Variants in SGCG observed in about 807,000 individuals in gnomAD.
SGCG encodes the protein sarcoglycan gamma.
In SGCG, 26 loss-of-function variants were observed where a neutral mutation model predicts 29.3. The observed-to-expected ratio is 0.89, with a 90% confidence interval of 0.65 to 1.23. SGCG has a LOEUF of 1.23. Among genes scored for constraint, SGCG ranks in the 50% most tolerant of loss-of-function variants. The probability of loss-of-function intolerance (pLI) is 0.00; values close to 1 mark genes in which losing one functional copy is unlikely to be tolerated. For missense variants in SGCG, 353 were observed against 356.0 expected (o/e 0.99, Z 0.07); for synonymous variants, 145 against 129.7 (o/e 1.12, Z -0.80).
At chr13:23,285,203 A>T (rs1473905539) in intron 5 of SGCG, among the ~76,000 whole-genome samples, 1 of 152,166 alleles carries the variant, frequency 6.6e-6, no homozygotes, top group African/African-American at 2.4e-5. Context: ...CTGAAGCTGC[A>T]CCCACAGCCG....
chr13:23,320,942 A>T (rs1271994020), intron 7 of SGCG, among the ~76,000 whole-genome samples, 182 bp downstream of exon 7: 1 of 152,212 alleles, frequency 6.6e-6, no homozygotes, highest in Non-Finnish European at 1.5e-5. Context: ...GGGCCAAGAA[A>T]GTCTAAAATT....
intron 2 of SGCG, among the ~76,000 whole-genome samples, chr13:23,204,128 C>T (rs188213644): frequency 6.6e-6 from 1 of 151,098 alleles, no homozygotes; most frequent in Admixed American, 6.6e-5. Flanking sequence ...CATTAGTCAT[C>T]TCGAAATAGT....
At chr13:23,223,580 G>T (rs915526592) in intron 2 of SGCG, among the ~76,000 whole-genome samples, 1 of 152,138 alleles carries the variant, frequency 6.6e-6, no homozygotes, top group Non-Finnish European at 1.5e-5. Context: ...TCACGTTTCA[G>T]ATAATAGGAA....
chr13:23,189,180 G>A (rs967757751), intron 1 of SGCG, among the ~76,000 whole-genome samples: 8 of 152,306 alleles, frequency 5.3e-5, no homozygotes, highest in Admixed American at 3.3e-4. Context: ...TTGTTGACCA[G>A]GGAAATGACC....
At chr13:23,219,031 A>G (rs1016056239) in intron 2 of SGCG, among the ~76,000 whole-genome samples, 1 of 149,326 alleles carries the variant, frequency 6.7e-6, no homozygotes, top group African/African-American at 2.4e-5. Context: ...TAATATTTAT[A>G]TGCTATATAT....
rs143794013 is a variant in SGCG at position 23,233,142 on chromosome 13, G to A, written c.196-1469G>A. On this transcript the variant is annotated intron_variant, in intron 2 of 7. Transcript: ENST00000218867. ...TGTTCATAGCAGCAGCATTTACAAT[G>A]CCCAAAATGTGGAAGCAACCCAAGT... Among the ~76,000 whole-genome samples, 342 of 152,270 alleles carry A rather than the reference G, an allele frequency of 2.2e-3. 2 individuals carry two copies. Among genetic ancestry groups the A allele is most frequent in the African/African-American group, 6.4e-3 (267 of 41,568 alleles).
intron 2 of SGCG, among the ~76,000 whole-genome samples, chr13:23,208,535 G>A (rs967939239): frequency 1.3e-5 from 2 of 152,140 alleles, no homozygotes; most frequent in African/African-American, 4.8e-5. Context: ...TCTGAATTCA[G>A]ATAAGGCTGA....
chr13:23,224,528 A>G (rs900300367), intron 2 of SGCG, among the ~76,000 whole-genome samples: 4 of 152,178 alleles, frequency 2.6e-5, no homozygotes, highest in African/African-American at 4.8e-5. Flanking sequence ...ACAGAGCACA[A>G]TATGTGAAAT....
chr13:23,204,100 T>A (rs1877886342), intron 2 of SGCG, among the ~76,000 whole-genome samples: 1 of 151,318 alleles, frequency 6.6e-6, no homozygotes, highest in African/African-American at 2.5e-5. Flanking sequence ...GGTTTTGTGT[T>A]TTTGCTGTAA....
intron 5 of SGCG, among the ~76,000 whole-genome samples, chr13:23,280,669 T>C (rs1881273649): frequency 6.6e-6 from 1 of 152,232 alleles, no homozygotes; most frequent in Non-Finnish European, 1.5e-5. Flanking sequence ...CTGCAATTAC[T>C]AGCTGCGTAA....
chr13:23,262,546 A>G (rs971757406), intron 4 of SGCG, among the ~76,000 whole-genome samples: 2 of 152,088 alleles, frequency 1.3e-5, no homozygotes, highest in African/African-American at 4.8e-5. Flanking sequence ...GATAGACAGC[A>G]AAACAATAAC....
At chr13:23,261,842 G>GTAA (rs1229938150) in intron 4 of SGCG, among the ~76,000 whole-genome samples, 1 of 152,000 alleles carries the variant, frequency 6.6e-6, no homozygotes, top group Non-Finnish European at 1.5e-5. Context: ...GAAAGGATTG[G>GTAA]GGTACTATCT....
At chr13:23,305,014 CAA>C (rs1491032799) in intron 6 of SGCG, among the ~76,000 whole-genome samples, 1 of 142,640 alleles carries the variant, frequency 7.0e-6, no homozygotes, top group Non-Finnish European at 1.5e-5. Flanking sequence ...CACACACACA[CAA>C]GACTTTGTAC....
At chr13:23,250,505 A>T (rs1172461807) in intron 3 of SGCG, 125 bp from the exon 4 acceptor site, 6 of 653,614 alleles carry the variant, frequency 9.2e-6, no homozygotes, top group Non-Finnish European at 1.7e-5. Flanking sequence ...ACAAATTTAT[A>T]GGATTTCCAG....
At chr13:23,271,343 T>G (rs932080547) in intron 4 of SGCG, among the ~76,000 whole-genome samples, 3 of 152,218 alleles carry the variant, frequency 2.0e-5, no homozygotes, top group Non-Finnish European at 4.4e-5. Context: ...TTGCCTTCCC[T>G]GGGCCACACT....
At chr13:23,199,919 G>C (rs1323076836) in intron 1 of SGCG, among the ~76,000 whole-genome samples, 1 of 152,114 alleles carries the variant, frequency 6.6e-6, no homozygotes, top group Non-Finnish European at 1.5e-5. Flanking sequence ...AAGAGCCAAA[G>C]ACAGCACATT....
chr13:23,304,997 TCA>T (rs5802228), intron 6 of SGCG, among the ~76,000 whole-genome samples: 135,067 of 151,694 alleles, frequency 0.89, 60,171 homozygotes, highest in Admixed American at 0.91. Context: ...GTGCACGTGC[TCA>T]CACACACACA....
At chr13:23,312,818 A>G (rs1302906889) in intron 6 of SGCG, among the ~76,000 whole-genome samples, 1 of 54,588 alleles carries the variant, frequency 1.8e-5, no homozygotes. Flanking sequence ...CAAATGTGAC[A>G]TTTGAAAAAA....
chr13:23,295,517 C>T (rs371254996), intron 6 of SGCG, 30 bp downstream of exon 6: 1 of 1,462,518 alleles, frequency 6.8e-7, no homozygotes, highest in Non-Finnish European at 9.6e-7. Flanking sequence ...TATTAACAAC[C>T]TCTCCTGTAG....
Sources: allele counts gnomAD v4.1 joint callset (sites outside exome capture counted in the v4.1 genomes callset), GRCh38; gene constraint gnomAD v4.1.1; transcripts MANE v1.5; gene names NCBI Gene and HGNC (gene_info 2026-07-23, HGNC 2026-07-21).